TMCO5A: variants seen among roughly 807,000 people sequenced by gnomAD.
The protein encoded by TMCO5A is transmembrane and coiled-coil domains 5A, also known as transmembrane and coiled-coil domain-containing protein 5A.
TMCO5A carries 34 observed loss-of-function variants against 42.3 expected under a neutral mutation model. That is an observed-to-expected ratio of 0.80 (90% CI 0.61 to 1.07). The LOEUF is 1.07. TMCO5A is among the 50% of genes least tolerant of loss of function. The pLI, the probability that TMCO5A is intolerant of heterozygous loss-of-function variation, is 0.00. For missense variants in TMCO5A, 357 were observed against 327.9 expected (o/e 1.09, Z -0.69); for synonymous variants, 131 against 115.6 (o/e 1.13, Z -0.86).
downstream of TMCO5A, chr15:37,951,446 T>C (rs1890156050): frequency 4.3e-5 from 23 of 540,832 alleles, no homozygotes; most frequent in South Asian, 6.4e-4. Context: ...GTGGATCGGC[T>C]GAATAGTACT....
At position 37,961,103 on chromosome 15, in the gene TMCO5A, G is replaced by C. The variant is rs186756992; in HGVS notation, c.669-5522G>C. ...CATTTGCTTTTGGGTTCTTGGTCAG[G>C]AAATCCTTGCCTAAGCCAATGCCTA... On this transcript the variant is annotated intron_variant, in intron 11 of 11. Transcript: ENST00000559502. Among the ~76,000 whole-genome samples, 6 of 152,138 alleles carry C rather than the reference G, an allele frequency of 3.9e-5. No individual in the cohort carries two copies. In the East Asian group the frequency reaches 5.8e-4, roughly 15 times the overall value.
the TMCO5A span, among the ~76,000 whole-genome samples, chr15:38,009,375 C>T: frequency 6.6e-6 from 1 of 152,200 alleles, no homozygotes; most frequent in Non-Finnish European, 1.5e-5. Flanking sequence ...AGACCTTCAA[C>T]ACCAGAGATT....
chr15:37,986,636 A>T, the TMCO5A span, among the ~76,000 whole-genome samples: 2 of 151,976 alleles, frequency 1.3e-5, no homozygotes, highest in Admixed American at 6.6e-5. Flanking sequence ...CAGTCCCTGA[A>T]AAACACCAAT....
the TMCO5A span, among the ~76,000 whole-genome samples, chr15:38,013,522 G>A: frequency 2.0e-5 from 3 of 152,178 alleles, no homozygotes; most frequent in Non-Finnish European, 4.4e-5. Flanking sequence ...CTTGTCATCA[G>A]TGATGTGATA....
chr15:38,025,439 G>C, the TMCO5A span, among the ~76,000 whole-genome samples: 2 of 151,902 alleles, frequency 1.3e-5, no homozygotes, highest in Non-Finnish European at 2.9e-5. Context: ...TTCATAGTCT[G>C]CCTTCTTCTC....
At chr15:38,002,019 A>G in the TMCO5A span, among the ~76,000 whole-genome samples, 4 of 152,108 alleles carry the variant, frequency 2.6e-5, no homozygotes, top group Non-Finnish European at 5.9e-5. Flanking sequence ...TGAGTTTTGT[A>G]TCTCCAGATG....
chr15:38,002,709 T>G, the TMCO5A span, among the ~76,000 whole-genome samples: 23 of 152,082 alleles, frequency 1.5e-4, no homozygotes, highest in Non-Finnish European at 2.8e-4. Flanking sequence ...TTTTTAAAAT[T>G]ATTTCAATCT....
chr15:37,969,667 C>G (rs1890637087), downstream of TMCO5A, among the ~76,000 whole-genome samples: 1 of 152,148 alleles, frequency 6.6e-6, no homozygotes, highest in African/African-American at 2.4e-5. Flanking sequence ...GTAATAATCT[C>G]ACTATCCAAT....
chr15:37,994,477 G>T, the TMCO5A span: 1 of 152,172 alleles, frequency 6.6e-6, no homozygotes, highest in Non-Finnish European at 1.5e-5. Context: ...AGTTAAAAAA[G>T]ATTATGCTAA....
chr15:38,025,281 C>A, the TMCO5A span, among the ~76,000 whole-genome samples: 1 of 151,920 alleles, frequency 6.6e-6, no homozygotes, highest in African/African-American at 2.4e-5. Context: ...TAGATTACCC[C>A]TTTCATGGTC....
chr15:38,026,819 G>A, the TMCO5A span, among the ~76,000 whole-genome samples: 1 of 152,244 alleles, frequency 6.6e-6, no homozygotes, highest in African/African-American at 2.4e-5. Flanking sequence ...ATGGCTGAAA[G>A]GGGCCAACAT....
chr15:37,988,955 A>T, the TMCO5A span, among the ~76,000 whole-genome samples: 1 of 151,992 alleles, frequency 6.6e-6, no homozygotes, highest in Admixed American at 6.6e-5. Context: ...TTCTCCAGTG[A>T]TGCCATCAGG....
In TMCO5A at chr15:37,951,297, C is replaced by T. The variant is rs552392369; in HGVS notation, c.*63C>T. The stretch of plus-strand genomic sequence containing the variant: ...GGGATCCGAGCCTGTAGAAGGGAGG[C>T]ATGAAACTTGTGGAGGAAAGAGATT... On this transcript the variant is annotated 3_prime_UTR_variant, in exon 12 of 12. Transcript: ENST00000319669. 3.3e-5 allele frequency: 50 copies of T among 1,508,362 alleles called. No homozygotes were observed. In the South Asian group the frequency reaches 5.4e-4, roughly 16 times the overall value. 93.4% of individuals were successfully genotyped at this position (1,508,362 alleles called of 1,614,324 possible). A position where few individuals can be genotyped will look rare whatever the true frequency, so the allele number is the denominator to read the frequency against.
the TMCO5A span, among the ~76,000 whole-genome samples, chr15:37,988,729 T>C: frequency 2.4e-4 from 37 of 152,200 alleles, 1 homozygote; most frequent in Admixed American, 2.2e-3. Flanking sequence ...CTCTTTAATA[T>C]GCTGTTAAAT....
At chr15:38,021,496 G>T in the TMCO5A span, among the ~76,000 whole-genome samples, 48 of 151,992 alleles carry the variant, frequency 3.2e-4, no homozygotes, top group African/African-American at 1.1e-3. Flanking sequence ...GACCCCCATT[G>T]CTTGTATTCA....
chr15:37,982,592 CTAT>C, the TMCO5A span, among the ~76,000 whole-genome samples: 2 of 67,974 alleles, frequency 2.9e-5, no homozygotes. Context: ...ATTATATATA[CTAT>C]AATTTATAAT....
chr15:38,031,959 C>CT, the TMCO5A span, among the ~76,000 whole-genome samples: 6,015 of 142,128 alleles, frequency 0.042, 377 homozygotes, highest in African/African-American at 0.14. Context: ...AGGACAATTG[C>CT]TTTTTTTTTT....
At chr15:38,020,361 A>T in the TMCO5A span, 7 of 152,194 alleles carry the variant, frequency 4.6e-5, no homozygotes. Context: ...CTTCATAGAG[A>T]AAAATTCAAT....
At chr15:38,024,340 A>C in the TMCO5A span, among the ~76,000 whole-genome samples, 15 of 152,354 alleles carry the variant, frequency 9.8e-5, no homozygotes, top group East Asian at 2.7e-3. Context: ...GAGAGAGCAG[A>C]ACTGTCAGGT....
Sources: gnomAD v4.1 joint callset for allele counts (sites outside exome capture counted in the v4.1 genomes callset) on GRCh38, gnomAD v4.1.1 for gene constraint, MANE v1.5 for transcripts, NCBI Gene and HGNC (gene_info 2026-07-23, HGNC 2026-07-21) for gene names.